The following UBR2 variants were observed in gnomAD, a reference collection of about 807,000 sequenced individuals.
UBR2 encodes ubiquitin protein ligase E3 component n-recognin 2, also known as E3 ubiquitin-protein ligase UBR2.
A neutral mutation model predicts 247.9 loss-of-function variants in UBR2; 92 were observed. The ratio of observed to expected loss-of-function variants is 0.37; its 90% CI spans 0.31 to 0.44. The LOEUF (loss-of-function observed/expected upper bound fraction) is 0.44. Ranked by LOEUF, UBR2 falls within the 20% of genes least tolerant of loss-of-function variation. UBR2 has a pLI of 1.00. For synonymous variants in UBR2, 672 were observed against 693.5 expected (o/e 0.97, Z 0.49); for missense variants, 1,613 against 2,112.6 (o/e 0.76, Z 4.64).
At chr6:42,652,105 TC>T in intron 24 of UBR2, 34 bp downstream of exon 24, 1 of 1,550,444 alleles carries the variant, frequency 6.4e-7, no homozygotes, top group Non-Finnish European at 8.7e-7. Flanking sequence ...GTCTTGCCCA[TC>T]TTTTTTGCTT....
At position 42,573,882 on chromosome 6, in the gene UBR2, AC is replaced by A; in HGVS notation, c.229del (p.Leu77PhefsTer29). The A allele has an allele frequency of 5.0e-6, 8 of 1,614,094 alleles. No individual in the cohort carries two copies. Among genetic ancestry groups the A allele is most frequent in the Non-Finnish European group, 6.8e-6 (8 of 1,179,990 alleles). On this transcript the variant is annotated frameshift_variant, in exon 2 of 47. Coordinates refer to ENST00000372901, the MANE Select transcript of UBR2 (RefSeq NM_001363705.2). LOFTEE classifies it high-confidence loss of function. ...QHVLLGPMEW[Y>X]LCGEDPAFGF... Reference sequence around the variant, plus strand: ...GTTTTGTTGGGACCAATGGAATGGTACCTTTGTGGTGAAGATCCTGCATTTG... The same window carrying A: ...GTTTTGTTGGGACCAATGGAATGGTACTTTGTGGTGAAGATCCTGCATTTG...
At chr6:42,628,722 C>CAA (rs34316224) in intron 11 of UBR2, among the ~76,000 whole-genome samples, 203 of 102,832 alleles carry the variant, frequency 2.0e-3, no homozygotes, top group African/African-American at 7.1e-3. Context: ...GGCTCTGACT[C>CAA]AAAAAAAAAA....
chr6:42,635,919 G>C (rs187433841), intron 14 of UBR2, among the ~76,000 whole-genome samples: 1 of 152,094 alleles, frequency 6.6e-6, no homozygotes, highest in African/African-American at 2.4e-5. Context: ...TTCCTTTGGC[G>C]ATAAAGTCTA....
At chr6:42,663,162 A>G (rs1402138468) in intron 31 of UBR2, 96 bp from the exon 32 acceptor site, 3 of 1,078,538 alleles carry the variant, frequency 2.8e-6, no homozygotes, top group African/African-American at 3.3e-5. Flanking sequence ...TTTTTGAACT[A>G]TTTGTGGAAA....
Position 42,658,912 on chromosome 6 carries a change from T to C in UBR2, c.3242+88T>C, listed in dbSNP as rs926637773. The C allele has an allele frequency of 6.0e-6, 8 of 1,332,740 alleles. No individual in the cohort carries two copies. The African/African-American group carries it at 1.1e-4, about 18-fold the overall frequency. The allele number at this position is 1,332,740 out of a possible 1,614,324, so 82.6% of individuals were successfully genotyped here. On this transcript the variant is annotated intron_variant, in intron 29 of 46. Coordinates refer to ENST00000372901, the MANE Select transcript of UBR2 (RefSeq NM_001363705.2). ...GCGTTTTCTCCTTGTAAGTATACTT[T>C]TAATCCTAAAGTAATTTAGTAGAAT... is the stretch of plus-strand genomic sequence containing the variant.
chr6:42,614,992 C>G, intron 8 of UBR2, 79 bp from the exon 9 acceptor site: 1 of 1,162,856 alleles, frequency 8.6e-7, no homozygotes, highest in Non-Finnish European at 1.2e-6. Context: ...CTCTACAGAT[C>G]CATTTGAACA....
chr6:42,653,892 C>T (rs1472464529), intron 25 of UBR2, among the ~76,000 whole-genome samples: 4 of 151,956 alleles, frequency 2.6e-5, no homozygotes, highest in Admixed American at 2.6e-4. Flanking sequence ...GCTAGGATTA[C>T]AAGGCGTGAG....
chr6:42,575,330 A>G (rs1055536271), intron 2 of UBR2, among the ~76,000 whole-genome samples: 6 of 152,190 alleles, frequency 3.9e-5, no homozygotes, highest in African/African-American at 1.4e-4. Flanking sequence ...CAGTATATAT[A>G]TTGAAAAACT....
chr6:42,665,293 CT>C, intron 32 of UBR2, 115 bp from the exon 33 acceptor site: 1 of 704,886 alleles, frequency 1.4e-6, no homozygotes. Context: ...TTCCCTTATC[CT>C]TTTTGTTTTT....
chr6:42,641,468 A>G (rs1796441792), intron 16 of UBR2, 114 bp from the exon 17 acceptor site: 1 of 650,842 alleles, frequency 1.5e-6, no homozygotes. Context: ...AATAATAATA[A>G]TTTATATTGT....
chr6:42,601,416 C>T (rs112709890), intron 4 of UBR2, among the ~76,000 whole-genome samples: 2,930 of 152,212 alleles, frequency 0.019, 83 homozygotes, highest in African/African-American at 0.066. Context: ...TCGCTGGGCG[C>T]GGCTGCTCAC....
intron 8 of UBR2, among the ~76,000 whole-genome samples, chr6:42,614,332 A>ATGTGTATGTGTATG (rs1196010430): frequency 1.3e-5 from 1 of 78,430 alleles, no homozygotes; most frequent in Admixed American, 1.3e-4. Context: ...ATATGTGTAT[A>ATGTGTATGTGTATG]TGTGTATGTG....
chr6:42,691,433 C>G lies in UBR2; in HGVS notation c.*260C>G. ...CTTCTCTTCCTAGATTGGATCCCAG[C>G]CCCTTTGTGGGGGTCTGACTGCATA... On this transcript the variant is annotated 3_prime_UTR_variant, in exon 47 of 47. Coordinates refer to ENST00000372901, the MANE Select transcript of UBR2 (RefSeq NM_001363705.2). 1 of 469,060 alleles carries G rather than the reference C, an allele frequency of 2.1e-6. No individual in the cohort carries two copies. The highest frequency in any genetic ancestry group is 4.3e-5 in the East Asian group (1 of 22,992). The allele number at this position is 469,060 out of a possible 1,614,324, so 29.1% of individuals were successfully genotyped here.
chr6:42,639,314 T>C (rs1389778988), intron 15 of UBR2, among the ~76,000 whole-genome samples: 1 of 152,182 alleles, frequency 6.6e-6, no homozygotes, highest in South Asian at 2.1e-4. Flanking sequence ...AACTGAAGGC[T>C]GGGCGTGGTG....
At chr6:42,672,520 C>T (rs1016442126) in intron 36 of UBR2, among the ~76,000 whole-genome samples, 1 of 152,112 alleles carries the variant, frequency 6.6e-6, no homozygotes, top group African/African-American at 2.4e-5. Context: ...CAAAAGCAAT[C>T]CTGTTCATAT....
At position 42,564,407 on chromosome 6, in the gene UBR2, G is replaced by C. The variant is rs377327210; in HGVS notation, c.78+10G>C. On this transcript the variant is annotated intron_variant, in intron 1 of 46. Transcript: ENST00000372901. ...CGAGGAGATTGCGGGGGTGAGTGCC[G>C]GAACCCGGGCGGGTGCGTCTGCCCC... 63 of 1,606,310 alleles carry C rather than the reference G, an allele frequency of 3.9e-5. No homozygotes were observed. Among genetic ancestry groups the C allele is most frequent in the Non-Finnish European group, 3.9e-5 (46 of 1,176,872 alleles).
Position 42,670,168 on chromosome 6 carries a change from C to T in UBR2, c.3958C>T (p.His1320Tyr), listed in dbSNP as rs757924073. 41 of 1,614,018 alleles carry T rather than the reference C, an allele frequency of 2.5e-5. No homozygotes were observed. The highest frequency in any genetic ancestry group is 3.3e-5 in the Non-Finnish European group (39 of 1,180,012). Residue 1320 changes from histidine (H) to tyrosine (Y), a missense_variant, in exon 35 of 47, where the codon CAT becomes TAT. Physicochemically the swap from His to Tyr is moderately conservative, Grantham distance 83. Around this residue, in one of 3 missense-constraint regions of UBR2, gnomAD observed 1,524 missense variants for 1,967.3 expected, o/e 0.77. Coordinates refer to ENST00000372901, the MANE Select transcript of UBR2 (RefSeq NM_001363705.2). ...TATYKVGLKVHPNEEDPRVPI... is the reference protein window; with the variant it reads ...TATYKVGLKVYPNEEDPRVPI... ...TACCTACAAGGTGGGACTAAAGGTT[C>T]ATCCCAATGAAGAGGATCCTCGTGT...
intron 1 of UBR2, among the ~76,000 whole-genome samples, chr6:42,569,790 T>G (rs1258892779): frequency 6.6e-6 from 1 of 152,236 alleles, no homozygotes; most frequent in Non-Finnish European, 1.5e-5. Flanking sequence ...TTTATTGTAC[T>G]TGCTTTCTAT....
chr6:42,649,407 C>T (rs895407943), intron 22 of UBR2, among the ~76,000 whole-genome samples: 1 of 152,076 alleles, frequency 6.6e-6, no homozygotes, highest in African/African-American at 2.4e-5. Flanking sequence ...TATTGAAAAT[C>T]CTTGTACATA....
Sources: gnomAD v4.1 joint callset for allele counts (sites outside exome capture counted in the v4.1 genomes callset) on GRCh38, gnomAD v4.1.1 for gene constraint, gnomAD v4.1.1 regional missense constraint, MANE v1.5 for transcripts, NCBI Gene and HGNC (gene_info 2026-07-23, HGNC 2026-07-21) for gene names.